Variants in SHISA6 observed in about 807,000 individuals in gnomAD.
SHISA6 encodes protein shisa-6.
A neutral mutation model predicts 47.9 loss-of-function variants in SHISA6; 22 were observed. The ratio of observed to expected loss-of-function variants is 0.46; its 90% CI spans 0.33 to 0.66. The LOEUF (loss-of-function observed/expected upper bound fraction) is 0.66. SHISA6 is among the 30% of genes least tolerant of loss of function. The probability of loss-of-function intolerance (pLI) is 0.02; values close to 1 mark genes in which losing one functional copy is unlikely to be tolerated. For missense variants in SHISA6, 680 were observed against 764.6 expected, an observed-to-expected ratio of 0.89 and a Z score of 1.30; for synonymous variants, 388 against 337.8, an observed-to-expected ratio of 1.15 and a Z score of -1.63.
At chr17:11,404,061 T>G (rs1239666965) in intron 3 of SHISA6, among the ~76,000 whole-genome samples, 1 of 152,086 alleles carries the variant, frequency 6.6e-6, no homozygotes, top group African/African-American at 2.4e-5. Context: ...AGGTAGGAAA[T>G]TACACATTTC....
At chr17:11,321,785 C>T (rs1910725459) in intron 2 of SHISA6, among the ~76,000 whole-genome samples, 1 of 152,142 alleles carries the variant, frequency 6.6e-6, no homozygotes, top group African/African-American at 2.4e-5. Context: ...ACCTGTGGCC[C>T]ACAGGCTGCA....
chr17:11,250,251 G>A (rs1013476400), intron 1 of SHISA6, among the ~76,000 whole-genome samples: 11 of 152,200 alleles, frequency 7.2e-5, no homozygotes, highest in African/African-American at 2.7e-4. Flanking sequence ...GTCAGAGCCA[G>A]AGTGTTCACT....
At chr17:11,341,585 C>G (rs1050193909) in intron 2 of SHISA6, among the ~76,000 whole-genome samples, 10 of 152,100 alleles carry the variant, frequency 6.6e-5, no homozygotes, top group Admixed American at 6.5e-5. Context: ...TCTCCCGCCT[C>G]AGCCTCCCAA....
At chr17:11,431,913 A>G (rs887808470) in intron 3 of SHISA6, among the ~76,000 whole-genome samples, 1 of 152,232 alleles carries the variant, frequency 6.6e-6, no homozygotes, top group African/African-American at 2.4e-5. Context: ...AAGTTGAAAC[A>G]TCACTGGCCT....
At chr17:11,398,604 T>G (rs1214359525) in intron 3 of SHISA6, among the ~76,000 whole-genome samples, 2 of 135,600 alleles carry the variant, frequency 1.5e-5, no homozygotes, top group Non-Finnish European at 3.0e-5. Flanking sequence ...TTTTTTGTTG[T>G]TTTTTTTTTG....
At chr17:11,297,111 A>T (rs1909778680) in intron 2 of SHISA6, among the ~76,000 whole-genome samples, 1 of 152,008 alleles carries the variant, frequency 6.6e-6, no homozygotes, top group Admixed American at 6.6e-5. Context: ...AGGAGTAAAG[A>T]AATGGTGCTG....
At chr17:11,384,898 G>A (rs1340150077) in intron 3 of SHISA6, among the ~76,000 whole-genome samples, 1 of 152,204 alleles carries the variant, frequency 6.6e-6, no homozygotes, top group Non-Finnish European at 1.5e-5. Flanking sequence ...AAAGAAAGGA[G>A]CTACAGTGAT....
At chr17:11,270,267 C>T (rs1173149980) in intron 2 of SHISA6, among the ~76,000 whole-genome samples, 1 of 152,224 alleles carries the variant, frequency 6.6e-6, no homozygotes, top group African/African-American at 2.4e-5. Context: ...AGCCGCCGTG[C>T]TCGGTGAGGA....
chr17:11,296,108 G>A (rs184432890), intron 2 of SHISA6, among the ~76,000 whole-genome samples: 94 of 152,216 alleles, frequency 6.2e-4, no homozygotes, highest in African/African-American at 2.2e-3. Context: ...GGAAGAAGGG[G>A]GTGTGAGGGA....
At chr17:11,457,740 CAAA>C (rs56835775) in intron 3 of SHISA6, among the ~76,000 whole-genome samples, 10 of 101,844 alleles carry the variant, frequency 9.8e-5, no homozygotes, top group Admixed American at 1.1e-4. Context: ...GACTCAGTCT[CAAA>C]AAAAAAAAAA....
At chr17:11,545,358 G>T (rs1007670198) in intron 3 of SHISA6, among the ~76,000 whole-genome samples, 1 of 152,094 alleles carries the variant, frequency 6.6e-6, no homozygotes, top group Non-Finnish European at 1.5e-5. Flanking sequence ...AGGAATGAAC[G>T]ATTTATTGGT....
rs567756399 is a variant in SHISA6, at chr17:11,421,531, C to T, written c.895+42022C>T. ...TTGTACTCCTAGCCATTACCATTCG[C>T]TGTCTCCATTTTACCCATATCCAGC... On this transcript the variant is annotated intron_variant, in intron 3 of 5. Coordinates refer to ENST00000441885, the MANE Select transcript of SHISA6 (RefSeq NM_207386.4). Among the ~76,000 whole-genome samples the T allele has an allele frequency of 2.8e-4, 42 of 152,328 alleles. No homozygotes were observed. The South Asian group carries it at 4.1e-3, about 15-fold the overall frequency.
intron 3 of SHISA6, among the ~76,000 whole-genome samples, chr17:11,512,382 G>A (rs915034472): frequency 1.4e-4 from 21 of 152,260 alleles, no homozygotes; most frequent in African/African-American, 5.1e-4. Flanking sequence ...TAATTAATCT[G>A]TTCAACTCAC....
At chr17:11,269,923 G>A (rs370621210) in intron 2 of SHISA6, among the ~76,000 whole-genome samples, 9 of 152,108 alleles carry the variant, frequency 5.9e-5, no homozygotes, top group East Asian at 3.9e-4. Context: ...AGCCACATGC[G>A]ACTGTTGAGC....
intron 4 of SHISA6, 43 bp downstream of exon 4, chr17:11,551,995 G>A (rs1203519523): frequency 9.8e-6 from 15 of 1,536,514 alleles, no homozygotes; most frequent in East Asian, 4.9e-5. Context: ...TCCTTATTTC[G>A]AGTGGCACCA....
At chr17:11,425,506 A>G (rs927126528) in intron 3 of SHISA6, among the ~76,000 whole-genome samples, 2 of 152,118 alleles carry the variant, frequency 1.3e-5, no homozygotes, top group Admixed American at 1.3e-4. Context: ...TTTTTCAGAT[A>G]GCCACATTTT....
intron 2 of SHISA6, among the ~76,000 whole-genome samples, chr17:11,342,360 GGA>G: frequency 6.6e-6 from 1 of 152,056 alleles, no homozygotes; most frequent in South Asian, 2.1e-4. Context: ...GAGGGAGGCA[GGA>G]GAGAGGGCGT....
intron 3 of SHISA6, among the ~76,000 whole-genome samples, chr17:11,503,057 C>G (rs1040083463): frequency 5.9e-5 from 9 of 152,250 alleles, no homozygotes; most frequent in Middle Eastern, 3.4e-3. Flanking sequence ...GAAAAAGATG[C>G]TAGTAAAACT....
At chr17:11,515,307 AAAG>A (rs796264416) in intron 3 of SHISA6, among the ~76,000 whole-genome samples, 366 of 137,644 alleles carry the variant, frequency 2.7e-3, no homozygotes, top group African/African-American at 9.6e-3. Flanking sequence ...AGGAAGGAAG[AAAG>A]AAAAAGGAAG....
Sources: gnomAD v4.1 joint callset for allele counts (sites outside exome capture counted in the v4.1 genomes callset) on GRCh38, gnomAD v4.1.1 for gene constraint, MANE v1.5 for transcripts, NCBI Gene and HGNC (gene_info 2026-07-23, HGNC 2026-07-21) for gene names.